Variants in ELP1 observed in about 807,000 individuals in gnomAD.
ELP1 encodes the protein elongator complex protein 1.
A neutral mutation model predicts 183.2 loss-of-function variants in ELP1; 131 were observed. The ratio of observed to expected loss-of-function variants is 0.72; its 90% confidence interval spans 0.62 to 0.83. The LOEUF (loss-of-function observed/expected upper bound fraction) is 0.83. Ranked by LOEUF, ELP1 falls within the 40% of genes least tolerant of loss-of-function variation. The probability of loss-of-function intolerance (pLI) is 0.00; values close to 1 mark genes in which losing one functional copy is unlikely to be tolerated. For missense variants in ELP1, 1,550 were observed against 1,594.9 expected (o/e 0.97, Z 0.48); for synonymous variants, 555 against 569.0 (o/e 0.98, Z 0.35).
At chr9:108,880,293 AGC>A (rs1827877144) in intron 31 of ELP1, 128 bp from the exon 32 acceptor site, 1 of 698,858 alleles carries the variant, frequency 1.4e-6, no homozygotes, top group African/African-American at 1.8e-5. Flanking sequence ...TTTCCAAGCG[AGC>A]TCTTTTTCCT....
chr9:108,872,927 A>AACACAAAGT (rs1827544581), intron 36 of ELP1, among the ~76,000 whole-genome samples: 1 of 152,146 alleles, frequency 6.6e-6, no homozygotes. Context: ...ACTTGAAATA[A>AACACAAAGT]ACACAAAGTA....
At position 108,893,155 on chromosome 9, in the gene ELP1, G is replaced by A. The variant is rs867672151; in HGVS notation, c.2861-72C>T. 3 of 1,015,242 alleles carry A rather than the reference G, an allele frequency of 3.0e-6. No homozygotes were observed. The South Asian group carries it at 3.8e-5, about 13-fold the overall frequency. The allele number at this position is 1,015,242 out of a possible 1,614,324, so 62.9% of individuals were successfully genotyped here. ...CATAATGGACTTCATTTATACCAAT[G>A]GTCACCAAACAAAATAAATGAGGAA... On this transcript the variant is annotated intron_variant, in intron 26 of 36. Coordinates refer to ENST00000374647, the MANE Select transcript of ELP1 (RefSeq NM_003640.5).
chr9:108,926,595 T>C lies in ELP1; in HGVS notation c.394A>G (p.Thr132Ala). The change falls in exon 5 of 37, where the codon ACC becomes GCC. Residue 132 changes from threonine (T) to alanine (A), a missense_variant. Coordinates refer to ENST00000374647, the MANE Select transcript of ELP1 (RefSeq NM_003640.5). ...AAATCTTTTGTCATCATAATCAGGG[T>C]CTGTTGACCTTAGAGAAACACAAAC... is the stretch of plus-strand genomic sequence containing the variant. ...ELVLLATGQQ[T>A]LIMMTKDFEP... 1 of 1,612,106 alleles carries C rather than the reference T, an allele frequency of 6.2e-7. No homozygotes were observed. The highest frequency in any genetic ancestry group is 8.5e-7 in the Non-Finnish European group (1 of 1,179,362).
At chr9:108,919,388 T>C in intron 6 of ELP1, 39 bp from the exon 7 acceptor site, 2 of 1,364,650 alleles carry the variant, frequency 1.5e-6, no homozygotes, top group Non-Finnish European at 1.0e-6. Context: ...CTGGGGGACC[T>C]TAAGTATCCC....
intron 4 of ELP1, 37 bp from the exon 5 acceptor site, chr9:108,926,640 T>C (rs764433176): frequency 9.0e-6 from 14 of 1,557,300 alleles, no homozygotes; most frequent in East Asian, 6.8e-5. Context: ...TTTGTTTTCA[T>C]GTAACAAATT....
intron 14 of ELP1, among the ~76,000 whole-genome samples, chr9:108,904,451 CAAAG>C (rs1828945217): frequency 6.6e-6 from 1 of 151,896 alleles, no homozygotes; most frequent in Non-Finnish European, 1.5e-5. Flanking sequence ...AAAAAAGAGA[CAAAG>C]AAGTAGTGAT....
At chr9:108,929,942 A>G in intron 2 of ELP1, 21 bp from the exon 3 acceptor site, 1 of 1,612,528 alleles carries the variant, frequency 6.2e-7, no homozygotes, top group Non-Finnish European at 8.5e-7. Context: ...AGTAAACACA[A>G]GCAAATTAAC....
intron 11 of ELP1, among the ~76,000 whole-genome samples, chr9:108,911,625 A>G (rs1469862878): frequency 1.3e-5 from 2 of 152,336 alleles, no homozygotes; most frequent in Non-Finnish European, 2.9e-5. Context: ...TATGTAGAAT[A>G]TTACACAGAA....
intron 1 of ELP1, among the ~76,000 whole-genome samples, chr9:108,933,206 G>C (rs1830056508): frequency 1.3e-5 from 2 of 152,134 alleles, no homozygotes; most frequent in South Asian, 4.1e-4. Context: ...CCACTATTTG[G>C]GGACAGACCA....
At chr9:108,869,741 C>T (rs1827368301) in intron 36 of ELP1, among the ~76,000 whole-genome samples, 1 of 152,162 alleles carries the variant, frequency 6.6e-6, no homozygotes, top group Admixed American at 6.5e-5. Context: ...AACTCCCAGG[C>T]ACTCTTTCAC....
intron 36 of ELP1, among the ~76,000 whole-genome samples, chr9:108,869,937 G>A (rs1827378715): frequency 6.6e-6 from 1 of 152,074 alleles, no homozygotes; most frequent in South Asian, 2.1e-4. Flanking sequence ...AGGGTTATGG[G>A]TGCGGACCCC....
chr9:108,890,946 T>C (rs933680994), intron 28 of ELP1, among the ~76,000 whole-genome samples: 4 of 152,202 alleles, frequency 2.6e-5, no homozygotes, highest in African/African-American at 9.7e-5. Context: ...GCCTAAAAGG[T>C]TGCAGAGCCA....
intron 22 of ELP1, among the ~76,000 whole-genome samples, chr9:108,897,973 AAGG>A (rs1564084966): frequency 6.6e-6 from 1 of 152,200 alleles, no homozygotes; most frequent in Non-Finnish European, 1.5e-5. Flanking sequence ...AATGATATAC[AAGG>A]AGAAGTACAG....
chr9:108,926,086 A>G (rs1364299205), intron 5 of ELP1, among the ~76,000 whole-genome samples: 3 of 152,188 alleles, frequency 2.0e-5, no homozygotes, highest in Non-Finnish European at 4.4e-5. Flanking sequence ...ATACCCCCAC[A>G]GCCTTAATGC....
Position 108,912,403 on chromosome 9 carries a change from CATCAGAGACACA to C in ELP1, c.1038_1049del (p.Ile346_Leu349del), listed in dbSNP as rs767292637. The C allele has an allele frequency of 1.2e-6, 2 of 1,614,144 alleles. No individual in the cohort carries two copies. The highest frequency in any genetic ancestry group is 3.3e-5 in the Admixed American group (2 of 60,022). On this transcript the variant is annotated inframe_deletion, in exon 11 of 37. Transcript: ENST00000374647. ...GCCGGTATGGGGTCACAGGGTCCCA[CATCAGAGACACA>C]ATCTTGCTCTTCCCACAGGTGCTGA...
At chr9:108,888,685 T>C (rs1028842658) in intron 29 of ELP1, among the ~76,000 whole-genome samples, 5 of 152,154 alleles carry the variant, frequency 3.3e-5, no homozygotes, top group Non-Finnish European at 7.3e-5. Flanking sequence ...CAAGAGACAA[T>C]TAAATATTTT....
chr9:108,885,808 G>A (rs1397951114), intron 29 of ELP1, among the ~76,000 whole-genome samples: 1 of 152,154 alleles, frequency 6.6e-6, no homozygotes, highest in African/African-American at 2.4e-5. Flanking sequence ...ATGAGGGTTG[G>A]TTCACTGTTG....
At chr9:108,906,192 G>T in intron 14 of ELP1, 111 bp downstream of exon 14, 1 of 1,023,300 alleles carries the variant, frequency 9.8e-7, no homozygotes, top group Non-Finnish European at 1.5e-6. Context: ...TAACAAGAAA[G>T]CTACTGCTCC....
At chr9:108,875,999 A>G (rs1827691643) in intron 35 of ELP1, among the ~76,000 whole-genome samples, 1 of 152,198 alleles carries the variant, frequency 6.6e-6, no homozygotes, top group South Asian at 2.1e-4. Context: ...CAAGCCGGGC[A>G]TGGTGGCTGA....
Sources: gnomAD v4.1 joint callset for allele counts (sites outside exome capture counted in the v4.1 genomes callset) on GRCh38, gnomAD v4.1.1 for gene constraint, MANE v1.5 for transcripts, NCBI Gene and HGNC (gene_info 2026-07-23, HGNC 2026-07-21) for gene names.